Variants in RFX3 observed in about 807,000 individuals in gnomAD.
The protein encoded by RFX3 is transcription factor RFX3.
A neutral mutation model predicts 98.6 loss-of-function variants in RFX3; 14 were observed. The observed-to-expected ratio is 0.14, with a 90% CI of 0.09 to 0.22. The LOEUF (loss-of-function observed/expected upper bound fraction) is 0.22. RFX3 is among the 10% of genes least tolerant of loss of function. The pLI is 1.00. For missense variants in RFX3, 639 were observed against 926.9 expected (o/e 0.69, Z 4.03); for synonymous variants, 383 against 328.4 (o/e 1.17, Z -1.80).
intron 4 of RFX3, among the ~76,000 whole-genome samples, chr9:3,304,890 G>C (rs1160255977): frequency 6.6e-6 from 1 of 152,064 alleles, no homozygotes; most frequent in Non-Finnish European, 1.5e-5. Context: ...AGTTCAGAAA[G>C]GTGGAAGAAA....
chr9:3,292,269 A>G (rs10971160), intron 6 of RFX3, among the ~76,000 whole-genome samples: 29,959 of 151,780 alleles, frequency 0.2, 3,323 homozygotes, highest in South Asian at 0.29. Context: ...TATTTATCTT[A>G]TGATAATTTA....
chr9:3,281,204 C>A (rs1825872973), intron 7 of RFX3, among the ~76,000 whole-genome samples: 1 of 151,294 alleles, frequency 6.6e-6, no homozygotes, highest in African/African-American at 2.4e-5. Context: ...ATTATGTTAA[C>A]CTTGGTTGAA....
chr9:3,340,100 A>G (rs1251826145), intron 3 of RFX3, among the ~76,000 whole-genome samples: 2 of 152,208 alleles, frequency 1.3e-5, no homozygotes, highest in African/African-American at 2.4e-5. Flanking sequence ...ATAATGCCGC[A>G]TATCTACAAC....
At chr9:3,422,868 A>T (rs1197253049) in intron 1 of RFX3, among the ~76,000 whole-genome samples, 1 of 152,192 alleles carries the variant, frequency 6.6e-6, no homozygotes, top group Non-Finnish European at 1.5e-5. Flanking sequence ...ATATAATTAC[A>T]GTAGGATTGC....
intron 6 of RFX3, among the ~76,000 whole-genome samples, chr9:3,288,849 T>G (rs1826972261): frequency 6.6e-6 from 1 of 152,148 alleles, no homozygotes; most frequent in Admixed American, 6.6e-5. Context: ...TCTGTTGATT[T>G]TGAAACACAT....
intron 1 of RFX3, among the ~76,000 whole-genome samples, chr9:3,510,975 T>C (rs1354281917): frequency 6.6e-6 from 1 of 151,870 alleles, no homozygotes; most frequent in African/African-American, 2.4e-5. Flanking sequence ...ATCATTTAAT[T>C]AGTGTATCAC....
intron 2 of RFX3, chr9:3,364,424 C>T (rs1264343586): frequency 4.1e-6 from 1 of 246,690 alleles, no homozygotes; most frequent in Non-Finnish European, 7.8e-6. Context: ...TTCATTCCAA[C>T]TCCTGAAGAA....
intron 1 of RFX3, among the ~76,000 whole-genome samples, chr9:3,467,153 A>G (rs202205122): frequency 8.3e-6 from 1 of 120,650 alleles, no homozygotes; most frequent in African/African-American, 3.3e-5. Flanking sequence ...TACATAATAT[A>G]TATGTATATA....
chr9:3,422,331 G>A (rs1587615459), intron 1 of RFX3, among the ~76,000 whole-genome samples: 1 of 152,336 alleles, frequency 6.6e-6, no homozygotes, highest in East Asian at 1.9e-4. Flanking sequence ...TTGTGTTGCT[G>A]TTGTTGGTAA....
intron 15 of RFX3, among the ~76,000 whole-genome samples, chr9:3,237,250 G>A (rs1819287759): frequency 6.6e-6 from 1 of 152,120 alleles, no homozygotes; most frequent in Non-Finnish European, 1.5e-5. Flanking sequence ...GTTTTTCAAA[G>A]CATTGAATTA....
At chr9:3,377,211 T>C (rs895465986) in intron 2 of RFX3, among the ~76,000 whole-genome samples, 17 of 152,198 alleles carry the variant, frequency 1.1e-4, no homozygotes, top group African/African-American at 3.9e-4. Flanking sequence ...CCATCAGTGA[T>C]AGACTGGATT....
intron 2 of RFX3, among the ~76,000 whole-genome samples, chr9:3,373,891 A>C (rs993920613): frequency 4.6e-5 from 7 of 152,220 alleles, no homozygotes; most frequent in Admixed American, 1.3e-4. Context: ...ATCTTGGCTC[A>C]CACGGTGAAA....
chr9:3,258,741 T>C (rs1056811012), intron 13 of RFX3, among the ~76,000 whole-genome samples: 14 of 151,900 alleles, frequency 9.2e-5, no homozygotes, highest in African/African-American at 3.4e-4. Flanking sequence ...AATTACAGCA[T>C]ATTGATGTAT....
chr9:3,419,201 T>C (rs979439709), intron 1 of RFX3, among the ~76,000 whole-genome samples: 5 of 152,182 alleles, frequency 3.3e-5, no homozygotes, highest in Admixed American at 6.5e-5. Flanking sequence ...TTGCGCAACT[T>C]CGATGCTTTC....
chr9:3,374,105 C>T (rs1216529780), intron 2 of RFX3, among the ~76,000 whole-genome samples: 1 of 151,928 alleles, frequency 6.6e-6, no homozygotes, highest in African/African-American at 2.4e-5. Context: ...CACACACACA[C>T]ACACACACAC....
intron 4 of RFX3, among the ~76,000 whole-genome samples, chr9:3,311,544 T>C (rs990879262): frequency 4.6e-5 from 7 of 152,160 alleles, no homozygotes; most frequent in African/African-American, 1.4e-4. Context: ...TTGTTCAAAA[T>C]GTGGTCCTGA....
intron 4 of RFX3, among the ~76,000 whole-genome samples, chr9:3,310,622 T>C (rs1156412860): frequency 6.6e-6 from 1 of 152,186 alleles, no homozygotes; most frequent in African/African-American, 2.4e-5. Flanking sequence ...CACTTTATCT[T>C]CACAACAACT....
chr9:3,310,870 A>C (rs1042597695), intron 4 of RFX3, among the ~76,000 whole-genome samples: 4 of 152,334 alleles, frequency 2.6e-5, no homozygotes, highest in Non-Finnish European at 2.9e-5. Context: ...TTATCTTCTG[A>C]GGAGTGAGTG....
In RFX3 at chr9:3,219,964, G is replaced by A. The variant is rs1817255813; in HGVS notation, c.*5078C>T. ...TTCATGTTCGATCACGCAGGGAACAGAGGGAATCAAGTGCACGAAGAGATT... is the reference window on the plus strand; with the variant it reads ...TTCATGTTCGATCACGCAGGGAACAAAGGGAATCAAGTGCACGAAGAGATT... On this transcript the variant is annotated 3_prime_UTR_variant, in exon 17 of 17. Coordinates refer to ENST00000617270, the MANE Select transcript of RFX3 (RefSeq NM_001282116.2). The A allele has an allele frequency of 6.6e-6, 1 of 152,214 alleles. No homozygotes were observed. The highest frequency in any genetic ancestry group is 1.5e-5 in the Non-Finnish European group (1 of 68,052). The allele number at this position is 152,214 out of a possible 1,614,324, so 9.4% of individuals were successfully genotyped here. A position where few individuals can be genotyped will look rare whatever the true frequency, so the allele number is the denominator to read the frequency against.
Sources: allele counts gnomAD v4.1 joint callset (sites outside exome capture counted in the v4.1 genomes callset), GRCh38; gene constraint gnomAD v4.1.1; transcripts MANE v1.5; gene names NCBI Gene and HGNC (gene_info 2026-07-23, HGNC 2026-07-21).